NXNL2: variants seen among roughly 807,000 people sequenced by gnomAD.
The protein encoded by NXNL2 is nucleoredoxin like 2.
NXNL2 carries 7 observed loss-of-function variants against 11.1 expected under a neutral mutation model. The ratio of observed to expected loss-of-function variants is 0.63; its 90% confidence interval spans 0.36 to 1.18. NXNL2 has a LOEUF of 1.18. Among genes scored for constraint, NXNL2 ranks in the 50% most tolerant of loss-of-function variants. NXNL2 has a pLI of 0.02. For synonymous variants in NXNL2, 109 were observed against 101.8 expected, an observed-to-expected ratio of 1.07 and a Z score of -0.42; for missense variants, 233 against 217.7, an observed-to-expected ratio of 1.07 and a Z score of -0.44.
chr9:88,564,113 AG>A, intron 1 of NXNL2, among the ~76,000 whole-genome samples: 1 of 151,730 alleles, frequency 6.6e-6, no homozygotes, highest in Admixed American at 6.6e-5. Flanking sequence ...CAGGAGGCTG[AG>A]GCAGGAGAAT....
chr9:88,561,482 T>C (rs1048406902), intron 1 of NXNL2, among the ~76,000 whole-genome samples: 2 of 152,196 alleles, frequency 1.3e-5, no homozygotes, highest in Non-Finnish European at 2.9e-5. Flanking sequence ...TATCTATCTT[T>C]CTATCTACCT....
At chr9:88,544,269 C>A in intron 1 of NXNL2, 110 bp from the exon 2 acceptor site, 1 of 886,764 alleles carries the variant, frequency 1.1e-6, no homozygotes, top group Non-Finnish European at 1.8e-6. Context: ...GGGTGGGGCA[C>A]CTGGTGGCTT....
At chr9:88,584,499 T>C (rs1830440548), downstream of NXNL2, among the ~76,000 whole-genome samples, 1 of 152,188 alleles carries the variant, frequency 6.6e-6, no homozygotes, top group Non-Finnish European at 1.5e-5. Flanking sequence ...TAAATGTCTG[T>C]TGTTTAAACT....
chr9:88,576,319 C>A (rs909609427), downstream of NXNL2, among the ~76,000 whole-genome samples: 1 of 152,252 alleles, frequency 6.6e-6, no homozygotes, highest in Non-Finnish European at 1.5e-5. Flanking sequence ...CAAGGTTTCT[C>A]GACTCCTTTT....
chr9:88,576,260 C>T (rs571122730), downstream of NXNL2, among the ~76,000 whole-genome samples: 48 of 152,162 alleles, frequency 3.2e-4, no homozygotes, highest in Non-Finnish European at 5.6e-4. Flanking sequence ...AAACCCAATG[C>T]GCCTGACTCT....
At chr9:88,560,240 G>A (rs79127280) in intron 1 of NXNL2, among the ~76,000 whole-genome samples, 1 of 151,724 alleles carries the variant, frequency 6.6e-6, no homozygotes, top group Non-Finnish European at 1.5e-5. Context: ...TTCTGCCAGC[G>A]GGAGGTTCTC....
chr9:88,576,138 T>C (rs576812768), downstream of NXNL2, among the ~76,000 whole-genome samples: 1 of 152,336 alleles, frequency 6.6e-6, no homozygotes, highest in African/African-American at 2.4e-5. Flanking sequence ...GAGGTTACAG[T>C]GAGCCGAGAT....
At chr9:88,577,055 G>A (rs1830356188), downstream of NXNL2, among the ~76,000 whole-genome samples, 1 of 152,136 alleles carries the variant, frequency 6.6e-6, no homozygotes, top group African/African-American at 2.4e-5. Flanking sequence ...GTCCTTGCGA[G>A]GTGTCCTGGC....
downstream of NXNL2, among the ~76,000 whole-genome samples, chr9:88,578,089 A>G (rs1830367388): frequency 6.6e-6 from 1 of 152,246 alleles, no homozygotes; most frequent in Non-Finnish European, 1.5e-5. Flanking sequence ...TATGAAAACA[A>G]GTTAAGAGTG....
chr9:88,564,285 TTATCTATCTATCTATC>T (rs71507766), intron 1 of NXNL2, among the ~76,000 whole-genome samples: 4,145 of 140,232 alleles, frequency 0.03, 222 homozygotes, highest in African/African-American at 0.11. Flanking sequence ...TATCTATCTA[TTATCTATCTATCTATC>T]TATCTATCTA....
rs564241014 is a variant in NXNL2 at position 88,569,814 on chromosome 9, A to G, written c.303-1273A>G. Among the ~76,000 whole-genome samples, 16 of 152,264 alleles carry G rather than the reference A, an allele frequency of 1.1e-4. 1 individual carries two copies. In the South Asian group the frequency reaches 3.3e-3, roughly 32 times the overall value. On this transcript the variant is annotated intron_variant, in intron 1 of 2. Transcript: ENST00000375855. ...CCTGTGGGATAAATTCTATTTGGCC[A>G]TGATTTATTATTATTTTAATATGTT...
exon 3 of NXNL2, chr9:88,575,739 A>AATAACT (rs1830341135): frequency 6.6e-6 from 1 of 152,234 alleles, no homozygotes; most frequent in South Asian, 2.1e-4. Context: ...TACATTTAAA[A>AATAACT]ATAACTATAA....
intron 1 of NXNL2, among the ~76,000 whole-genome samples, chr9:88,554,454 C>T (rs1214456619): frequency 3.9e-5 from 6 of 152,316 alleles, no homozygotes; most frequent in East Asian, 1.9e-4. Context: ...ATCTGCCCAC[C>T]TTGGCCTCCC....
intron 1 of NXNL2, among the ~76,000 whole-genome samples, chr9:88,566,987 T>TCTATCTAC (rs1554706795): frequency 6.7e-6 from 1 of 148,914 alleles, no homozygotes; most frequent in African/African-American, 2.5e-5. Context: ...TATCTATCTA[T>TCTATCTAC]CTATCTATCT....
At chr9:88,574,318 G>C (rs748864013) in intron 2 of NXNL2, among the ~76,000 whole-genome samples, 1 of 152,172 alleles carries the variant, frequency 6.6e-6, no homozygotes. Flanking sequence ...AGTTTATTTT[G>C]CCAAGGTTAA....
At chr9:88,564,145 A>T (rs899290638) in intron 1 of NXNL2, among the ~76,000 whole-genome samples, 17 of 150,466 alleles carry the variant, frequency 1.1e-4, no homozygotes, top group Non-Finnish European at 2.2e-4. Flanking sequence ...TGGGAGGCAG[A>T]GGTTGCAGTG....
intron 1 of NXNL2, among the ~76,000 whole-genome samples, chr9:88,565,251 A>C (rs1458581277): frequency 6.6e-6 from 1 of 152,188 alleles, no homozygotes; most frequent in Non-Finnish European, 1.5e-5. Context: ...TGTTTTATCC[A>C]TTCATCTGTC....
downstream of NXNL2, among the ~76,000 whole-genome samples, chr9:88,547,316 C>T (rs946572514): frequency 1.3e-5 from 2 of 152,250 alleles, no homozygotes; most frequent in Non-Finnish European, 2.9e-5. Context: ...GGCCTAGCCA[C>T]TGGCATTCCT....
chr9:88,545,283 G>A (rs995548800), downstream of NXNL2, among the ~76,000 whole-genome samples: 24 of 152,282 alleles, frequency 1.6e-4, no homozygotes, highest in African/African-American at 5.3e-4. Context: ...GGTGAAAGCC[G>A]TCAGTGGTTC....
Sources: gnomAD v4.1 joint callset for allele counts (sites outside exome capture counted in the v4.1 genomes callset) on GRCh38, gnomAD v4.1.1 for gene constraint, MANE v1.5 for transcripts, NCBI Gene and HGNC (gene_info 2026-07-23, HGNC 2026-07-21) for gene names.